TPO: variants seen among roughly 807,000 people sequenced by gnomAD.
The protein encoded by TPO is thyroid microsomal antigen.
Under a neutral mutation model 96.9 loss-of-function variants are expected in TPO, and 78 were observed. The ratio of observed to expected loss-of-function variants is 0.81; its 90% confidence interval spans 0.67 to 0.97. The LOEUF is 0.97. Ranked by LOEUF, TPO falls within the 50% of genes least tolerant of loss-of-function variation. The pLI, the probability that TPO is intolerant of heterozygous loss-of-function variation, is 0.00. For missense variants in TPO, 1,252 were observed against 1,274.8 expected (o/e 0.98, Z 0.27); for synonymous variants, 547 against 538.0 (o/e 1.02, Z -0.23).
chr2:1,488,007 C>T lies in TPO; in HGVS notation c.1768+16C>T, dbSNP rs1671339736. 1 of 1,612,150 alleles carries T rather than the reference C, an allele frequency of 6.2e-7. No individual in the cohort carries two copies. Among genetic ancestry groups the T allele is most frequent in the African/African-American group, 1.3e-5 (1 of 74,882 alleles). On this transcript the variant is annotated intron_variant, in intron 10 of 16. Transcript: ENST00000329066. ...GGGCTGCCAGGTCTGCCAGTTCCTTCCCTTGCACACCTCATGCAGCTGCTG... is the reference window on the plus strand; with the variant it reads ...GGGCTGCCAGGTCTGCCAGTTCCTTTCCTTGCACACCTCATGCAGCTGCTG...
intron 13 of TPO, among the ~76,000 whole-genome samples, chr2:1,500,404 C>T (rs1464755621): frequency 1.3e-5 from 2 of 152,164 alleles, no homozygotes; most frequent in Non-Finnish European, 1.5e-5. Context: ...ATTTTTACTA[C>T]AGCTGTTCCC....
intron 10 of TPO, among the ~76,000 whole-genome samples, chr2:1,488,543 C>G (rs1348563635): frequency 1.3e-5 from 2 of 152,108 alleles, no homozygotes; most frequent in Non-Finnish European, 2.9e-5. Flanking sequence ...CCTGACCTGC[C>G]CAGTTTCCAA....
chr2:1,501,179 G>C (rs1294834749), intron 13 of TPO, among the ~76,000 whole-genome samples: 3 of 150,956 alleles, frequency 2.0e-5, no homozygotes, highest in Non-Finnish European at 4.5e-5. Context: ...TTTACTTAGA[G>C]AAATGGAAAC....
intron 7 of TPO, among the ~76,000 whole-genome samples, chr2:1,465,848 A>G (rs1668848382): frequency 6.6e-6 from 1 of 152,172 alleles, no homozygotes; most frequent in Non-Finnish European, 1.5e-5. Context: ...GCAAACAGCA[A>G]CAGTTTGACT....
chr2:1,432,568 CCTGCAGGT>C (rs1665103107), intron 3 of TPO, among the ~76,000 whole-genome samples: 9 of 122,388 alleles, frequency 7.4e-5, no homozygotes, highest in African/African-American at 2.6e-4. Context: ...TGGGGTGAGG[CCTGCAGGT>C]GAGGAGAGGC....
At chr2:1,379,588 C>T (rs1661776578) in intron 1 of TPO, among the ~76,000 whole-genome samples, 1 of 152,130 alleles carries the variant, frequency 6.6e-6, no homozygotes, top group African/African-American at 2.4e-5. Flanking sequence ...AGATGTGCTT[C>T]AATAATCTCG....
chr2:1,490,565 A>C lies in TPO; in HGVS notation c.1768+2574A>C, dbSNP rs959357009. Among the ~76,000 whole-genome samples, 10 of 151,218 alleles carry C rather than the reference A, an allele frequency of 6.6e-5. 1 individual carries two copies. The highest frequency in any genetic ancestry group is 5.3e-4 in the Admixed American group (8 of 15,152). ...TTCGAAGCCCACTGCATGTGTTAGC[A>C]CTCTATACCCCAGCCACCGTAGAAG... On this transcript the variant is annotated intron_variant, in intron 10 of 16. Coordinates refer to ENST00000329066, the MANE Select transcript of TPO (RefSeq NM_001206744.2).
intron 1 of TPO, among the ~76,000 whole-genome samples, chr2:1,393,935 A>T (rs1662042261): frequency 6.6e-6 from 1 of 152,246 alleles, no homozygotes; most frequent in Non-Finnish European, 1.5e-5. Flanking sequence ...GTAGACTGTG[A>T]AAGATAAAAC....
At chr2:1,389,427 T>C (rs995447728) in intron 1 of TPO, among the ~76,000 whole-genome samples, 1 of 152,346 alleles carries the variant, frequency 6.6e-6, no homozygotes. Context: ...CCAACTGTAA[T>C]TGGAATCTCA....
rs533027958 is a variant in TPO at position 1,501,943 on chromosome 2, G to A, written c.2387-2005G>A. Among the ~76,000 whole-genome samples, 6 of 152,286 alleles carry A rather than the reference G, an allele frequency of 3.9e-5. No homozygotes were observed. In the East Asian group the frequency reaches 9.7e-4, roughly 25 times the overall value. On this transcript the variant is annotated intron_variant, in intron 13 of 16. Transcript: ENST00000329066. ...GCAGCCACAGGGAACTCATAAGGAT[G>A]AGTCTGAACTGCAGGGATGGGGTGA...
chr2:1,490,039 C>T (rs1388989809), intron 10 of TPO, among the ~76,000 whole-genome samples: 6 of 80,636 alleles, frequency 7.4e-5, no homozygotes, highest in Non-Finnish European at 9.4e-5. Context: ...CAGGGGGAGT[C>T]GCGACACAGC....
chr2:1,397,915 G>A (rs1461884887), intron 1 of TPO, among the ~76,000 whole-genome samples: 2 of 152,266 alleles, frequency 1.3e-5, no homozygotes, highest in East Asian at 1.9e-4. Context: ...CCCATGGGGC[G>A]TACCTGGGGT....
chr2:1,525,084 C>A (rs1676131612), intron 15 of TPO, among the ~76,000 whole-genome samples: 1 of 124,462 alleles, frequency 8.0e-6, no homozygotes, highest in Non-Finnish European at 1.7e-5. Flanking sequence ...CCCCAAATCC[C>A]CCTACTGTGT....
At chr2:1,412,334 T>C (rs180895885), upstream of TPO, among the ~76,000 whole-genome samples, 7 of 152,356 alleles carry the variant, frequency 4.6e-5, no homozygotes, top group Admixed American at 2.0e-4. Context: ...CATTGAGCCA[T>C]GGAATCCTCT....
intron 3 of TPO, among the ~76,000 whole-genome samples, chr2:1,423,997 A>G (rs1240951625): frequency 1.3e-5 from 2 of 152,180 alleles, no homozygotes; most frequent in Admixed American, 6.5e-5. Flanking sequence ...CTTAGTAACA[A>G]TTTGTGAACC....
chr2:1,387,459 T>C (rs1183527003), intron 1 of TPO, among the ~76,000 whole-genome samples: 1 of 152,230 alleles, frequency 6.6e-6, no homozygotes, highest in Non-Finnish European at 1.5e-5. Context: ...ACTTCATTCA[T>C]TTGATCTTCA....
At chr2:1,485,836 T>G (rs144311059) in intron 9 of TPO, among the ~76,000 whole-genome samples, 2,243 of 152,178 alleles carry the variant, frequency 0.015, 56 homozygotes, top group African/African-American at 0.051. Flanking sequence ...TTGCAAAAAT[T>G]TTCTCCCATT....
chr2:1,465,567 G>C (rs1388017494), intron 7 of TPO, among the ~76,000 whole-genome samples: 1 of 151,878 alleles, frequency 6.6e-6, no homozygotes, highest in African/African-American at 2.4e-5. Flanking sequence ...GTTGTCTGTG[G>C]TTTTTTTCAG....
intron 15 of TPO, among the ~76,000 whole-genome samples, chr2:1,525,815 C>T (rs1676321577): frequency 7.0e-6 from 1 of 142,858 alleles, no homozygotes; most frequent in African/African-American, 2.6e-5. Flanking sequence ...TCCCCGTGTG[C>T]AACCTACCCA....
Sources: allele counts gnomAD v4.1 joint callset (sites outside exome capture counted in the v4.1 genomes callset), GRCh38; gene constraint gnomAD v4.1.1; transcripts MANE v1.5; gene names NCBI Gene and HGNC (gene_info 2026-07-23, HGNC 2026-07-21).